LRRC9: variants seen among roughly 807,000 people sequenced by gnomAD.
LRRC9 encodes leucine-rich repeat-containing protein 9.
Under a neutral mutation model 63.2 loss-of-function variants are expected in LRRC9, and 122 were observed. That is an observed-to-expected ratio of 1.93 (90% confidence interval 1.67 to 2.24). The LOEUF (loss-of-function observed/expected upper bound fraction) is 2.24, where lower values mean the gene tolerates loss of function less well. LRRC9 is among the 30% of genes most tolerant of loss of function. The probability of loss-of-function intolerance (pLI) is 0.00; values close to 1 mark genes in which losing one functional copy is unlikely to be tolerated. For synonymous variants in LRRC9, 366 were observed against 213.1 expected (o/e 1.72, Z -6.25); for missense variants, 1,071 against 627.7 (o/e 1.71, Z -7.55).
At chr14:60,043,756 C>CTTTTTTTTTTTTTTTTTT (rs368065898) in intron 29 of LRRC9, among the ~76,000 whole-genome samples, 21 of 71,568 alleles carry the variant, frequency 2.9e-4, no homozygotes, top group East Asian at 1.4e-3. Context: ...TTTTCTTTTC[C>CTTTTTTTTTTTTTTTTTT]TTTTTTTTTT....
chr14:60,048,491 A>G (rs990397641), intron 29 of LRRC9, among the ~76,000 whole-genome samples: 13 of 152,282 alleles, frequency 8.5e-5, no homozygotes, highest in African/African-American at 2.9e-4. Context: ...ACAAACAACC[A>G]TCAGAGAATA....
Position 59,932,158 on chromosome 14 carries a change from G to A in LRRC9, c.543+119G>A, listed in dbSNP as rs1889763019. ...AATAAGTTCATTATTTTGGGCTGATGCTCCAGGAAATTTGAAAGTCATCTG... is the reference window on the plus strand; with the variant it reads ...AATAAGTTCATTATTTTGGGCTGATACTCCAGGAAATTTGAAAGTCATCTG... On this transcript the variant is annotated intron_variant, in intron 6 of 31. Coordinates refer to ENST00000445360, the Ensembl canonical transcript of LRRC9. This position sits in a 1 kb window ranked among gnomAD's most constrained non-coding sequence, Gnocchi z 4.7. The A allele has an allele frequency of 1.8e-6, 1 of 569,666 alleles. No individual in the cohort carries two copies. Among genetic ancestry groups the A allele is most frequent in the Non-Finnish European group, 3.1e-6 (1 of 325,048 alleles). The allele number at this position is 569,666 out of a possible 1,614,324, so 35.3% of individuals were successfully genotyped here.
At chr14:60,014,627 T>C (rs913330878) in intron 23 of LRRC9, among the ~76,000 whole-genome samples, 1 of 152,082 alleles carries the variant, frequency 6.6e-6, no homozygotes, top group African/African-American at 2.4e-5. Context: ...ACTTACATTG[T>C]TTTTCCTTTA....
chr14:60,016,637 A>G (rs926806521), intron 23 of LRRC9, 23 bp from the exon 24 acceptor site: 1 of 674,654 alleles, frequency 1.5e-6, no homozygotes, highest in East Asian at 2.7e-5. Flanking sequence ...ACAGGACATC[A>G]TTTTCTAAAT....
chr14:60,056,227 A>G (rs1894275488), intron 30 of LRRC9, among the ~76,000 whole-genome samples: 1 of 152,182 alleles, frequency 6.6e-6, no homozygotes. Flanking sequence ...GGGGAGGGGC[A>G]TTATTCTTCC....
chr14:60,041,043 T>A (rs902858691), intron 29 of LRRC9, among the ~76,000 whole-genome samples: 10 of 151,956 alleles, frequency 6.6e-5, no homozygotes, highest in African/African-American at 2.4e-4. Flanking sequence ...GATATGAAAT[T>A]CTGGGTTGAA....
chr14:60,006,199 A>C (rs1889794966), intron 21 of LRRC9, among the ~76,000 whole-genome samples, 198 bp from the exon 22 acceptor site: 1 of 152,142 alleles, frequency 6.6e-6, no homozygotes, highest in Non-Finnish European at 1.5e-5. Context: ...ATTTGAATTT[A>C]ATGTTTGAGA....
chr14:59,939,157 C>T (rs1275910585), intron 7 of LRRC9, among the ~76,000 whole-genome samples: 1 of 150,564 alleles, frequency 6.6e-6, no homozygotes, highest in African/African-American at 2.4e-5. Flanking sequence ...AATGTAACAA[C>T]CACTTCTCCT....
At chr14:60,000,542 A>C (rs953196365) in intron 19 of LRRC9, among the ~76,000 whole-genome samples, 1 of 152,168 alleles carries the variant, frequency 6.6e-6, no homozygotes, top group Non-Finnish European at 1.5e-5. Context: ...GACCAATGGA[A>C]CAGAATAACA....
intron 7 of LRRC9, among the ~76,000 whole-genome samples, chr14:59,943,511 C>T (rs560798118): frequency 6.6e-5 from 10 of 152,070 alleles, no homozygotes; most frequent in Admixed American, 1.3e-4. Flanking sequence ...TCTTAAGTTA[C>T]GGTTTTTTCT....
intron 28 of LRRC9, among the ~76,000 whole-genome samples, chr14:60,029,972 G>T (rs1891864179): frequency 6.6e-6 from 1 of 151,950 alleles, no homozygotes. Context: ...GAACTCAGAG[G>T]AATAGGAAGG....
chr14:60,059,144 T>G (rs1184118728), intron 31 of LRRC9: 1 of 152,210 alleles, frequency 6.6e-6, no homozygotes, highest in Non-Finnish European at 1.5e-5. Context: ...TTTATTGCAT[T>G]TCACTTTATT....
intron 30 of LRRC9, among the ~76,000 whole-genome samples, chr14:60,056,064 C>T (rs1356853027): frequency 6.6e-6 from 1 of 152,178 alleles, no homozygotes; most frequent in Non-Finnish European, 1.5e-5. Flanking sequence ...CTTCCATGAT[C>T]ACTTCCCCTT....
intron 29 of LRRC9, among the ~76,000 whole-genome samples, chr14:60,050,424 T>G (rs1264165732): frequency 3.9e-5 from 6 of 152,244 alleles, no homozygotes; most frequent in African/African-American, 1.2e-4. Context: ...TCAGGTCAGT[T>G]ACGTTTCTCT....
At chr14:59,949,314 CTCTGATGGTAGTTTGTATT>C (rs1882831879) in intron 8 of LRRC9, among the ~76,000 whole-genome samples, 1 of 152,106 alleles carries the variant, frequency 6.6e-6, no homozygotes, top group South Asian at 2.1e-4. Flanking sequence ...TTGTAGTATT[CTCTGATGGTAGTTTGTATT>C]TCTGTGGGAT....
chr14:59,954,374 A>G (rs1360985250), intron 8 of LRRC9, among the ~76,000 whole-genome samples: 3 of 151,954 alleles, frequency 2.0e-5, no homozygotes, highest in Non-Finnish European at 2.9e-5. Flanking sequence ...GAGGTCCTTC[A>G]TGTCTCTTAT....
rs1891658415 is a variant in LRRC9 at position 60,027,551 on chromosome 14, T to C, written c.3704-333T>C. Among the ~76,000 whole-genome samples the C allele has an allele frequency of 6.6e-6, 1 of 152,040 alleles. No homozygotes were observed. The highest frequency in any genetic ancestry group is 2.4e-5 in the African/African-American group (1 of 41,432). ...AGAGTACTAATATACTCAGGAAGCG[T>C]ATCTTCTGCAGCAGTCTTCTATATC... On this transcript the variant is annotated intron_variant, in intron 27 of 31. Transcript: ENST00000445360. The surrounding 1 kb of genome is among the most constrained non-coding windows in gnomAD (Gnocchi z 4.0).
intron 1 of LRRC9, among the ~76,000 whole-genome samples, chr14:59,920,864 A>AT (rs1032158995): frequency 6.6e-5 from 10 of 152,124 alleles, no homozygotes; most frequent in East Asian, 3.8e-4. Flanking sequence ...CCATTAAACA[A>AT]TTTTTTTAAC....
intron 1 of LRRC9, among the ~76,000 whole-genome samples, chr14:59,926,337 G>A (rs1178413981): frequency 1.3e-5 from 2 of 152,058 alleles, no homozygotes; most frequent in East Asian, 1.9e-4. Context: ...AGGGAAGATA[G>A]GTAAATACAT....
Sources: gnomAD v4.1 joint callset for allele counts (sites outside exome capture counted in the v4.1 genomes callset) on GRCh38, gnomAD v4.1.1 for gene constraint, Gnocchi (gnomAD v3.1) non-coding constraint, MANE v1.5 for transcripts, NCBI Gene and HGNC (gene_info 2026-07-23, HGNC 2026-07-21) for gene names.